The following MACROD2 variants were observed in gnomAD, a reference collection of about 807,000 sequenced individuals.
MACROD2 encodes the protein mono-ADP ribosylhydrolase 2, also known as ADP-ribose glycohydrolase MACROD2.
MACROD2 carries 36 observed loss-of-function variants against 70.4 expected under a neutral mutation model. That is an observed-to-expected ratio of 0.51 (90% CI 0.39 to 0.68). The LOEUF is 0.68. MACROD2 is among the 30% of genes least tolerant of loss of function. The pLI is 0.00. For synonymous variants in MACROD2, 172 were observed against 178.8 expected (o/e 0.96, Z 0.30); for missense variants, 496 against 538.4 (o/e 0.92, Z 0.78).
intron 4 of MACROD2, among the ~76,000 whole-genome samples, chr20:14,563,378 T>G (rs188528171): frequency 6.6e-6 from 1 of 151,922 alleles, no homozygotes; most frequent in Non-Finnish European, 1.5e-5. Context: ...TCTTCATTAT[T>G]TTAATAAGTA....
chr20:14,285,811 C>T (rs1006182101), intron 3 of MACROD2, among the ~76,000 whole-genome samples: 4 of 152,186 alleles, frequency 2.6e-5, no homozygotes, highest in South Asian at 4.1e-4. Flanking sequence ...CAGTCCCTCT[C>T]CCACAACTAC....
At chr20:14,840,615 T>C (rs1200635931) in intron 5 of MACROD2, among the ~76,000 whole-genome samples, 3 of 152,050 alleles carry the variant, frequency 2.0e-5, no homozygotes, top group Non-Finnish European at 4.4e-5. Context: ...CTATAATCAA[T>C]ACTCTTATCA....
chr20:15,848,520 G>A (rs1190354734), intron 8 of MACROD2, among the ~76,000 whole-genome samples: 1 of 152,158 alleles, frequency 6.6e-6, no homozygotes, highest in Admixed American at 6.5e-5. Flanking sequence ...GGCATTTTGG[G>A]CATCATCCCA....
chr20:15,270,694 T>C (rs1242052464), intron 6 of MACROD2, among the ~76,000 whole-genome samples: 1 of 152,196 alleles, frequency 6.6e-6, no homozygotes, highest in African/African-American at 2.4e-5. Flanking sequence ...GCCTCTGTCA[T>C]CAGTTCTGTC....
intron 5 of MACROD2, among the ~76,000 whole-genome samples, chr20:14,937,216 G>A (rs1020737888): frequency 6.6e-6 from 1 of 152,008 alleles, no homozygotes; most frequent in African/African-American, 2.4e-5. Context: ...CGTAGGCCGA[G>A]ATGGGAAGGT....
intron 12 of MACROD2, among the ~76,000 whole-genome samples, chr20:15,947,979 A>G (rs1172270971): frequency 6.6e-6 from 1 of 152,100 alleles, no homozygotes; most frequent in Non-Finnish European, 1.5e-5. Flanking sequence ...TCTCAACTGC[A>G]TGACCCCTAC....
intron 3 of MACROD2, among the ~76,000 whole-genome samples, chr20:14,371,057 A>C (rs1040020868): frequency 6.6e-6 from 1 of 151,498 alleles, no homozygotes; most frequent in African/African-American, 2.4e-5. Context: ...CAATACCAAA[A>C]CTCTTTTTTC....
intron 5 of MACROD2, among the ~76,000 whole-genome samples, chr20:15,063,813 A>T (rs1217525239): frequency 6.6e-6 from 1 of 152,200 alleles, no homozygotes; most frequent in Non-Finnish European, 1.5e-5. Flanking sequence ...TTATTCAGTT[A>T]TTCCCTAAGG....
At chr20:14,511,290 G>GT (rs2085027041) in intron 4 of MACROD2, among the ~76,000 whole-genome samples, 1 of 151,942 alleles carries the variant, frequency 6.6e-6, no homozygotes, top group African/African-American at 2.4e-5. Context: ...AGTTTGTAAT[G>GT]TAAAAGGGTA....
chr20:14,527,752 A>C (rs1053114249), intron 4 of MACROD2, among the ~76,000 whole-genome samples: 3 of 152,234 alleles, frequency 2.0e-5, no homozygotes, highest in Admixed American at 1.3e-4. Flanking sequence ...CCTGTTAGAC[A>C]CATGCCAGAA....
At chr20:14,340,387 A>G (rs2083000834) in intron 3 of MACROD2, among the ~76,000 whole-genome samples, 3 of 152,164 alleles carry the variant, frequency 2.0e-5, no homozygotes. Flanking sequence ...CAATAAGACG[A>G]TAGCTGTCAT....
chr20:14,986,182 T>C (rs957112159), intron 5 of MACROD2, among the ~76,000 whole-genome samples: 8 of 152,296 alleles, frequency 5.3e-5, no homozygotes, highest in African/African-American at 1.7e-4. Flanking sequence ...CCTGGTTGCT[T>C]GTTTAAATAA....
chr20:15,923,817 G>A (rs2065448946), intron 10 of MACROD2, among the ~76,000 whole-genome samples: 1 of 151,914 alleles, frequency 6.6e-6, no homozygotes, highest in Admixed American at 6.5e-5. Flanking sequence ...TTCTCTACTT[G>A]CAAATTAATT....
chr20:15,379,573 G>A (rs1015672619), intron 6 of MACROD2, among the ~76,000 whole-genome samples: 1 of 151,766 alleles, frequency 6.6e-6, no homozygotes, highest in Non-Finnish European at 1.5e-5. Flanking sequence ...TTCAAACCTG[G>A]GCATAACTCT....
At chr20:14,169,896 C>CT (rs35076445) in intron 3 of MACROD2, among the ~76,000 whole-genome samples, 1 of 151,766 alleles carries the variant, frequency 6.6e-6, no homozygotes, top group Non-Finnish European at 1.5e-5. Flanking sequence ...CCTCTGTTAA[C>CT]TTTTTTTATC....
rs986812630 is a variant in MACROD2, at chr20:14,350,660, C to T, written c.272-142819C>T. Among the ~76,000 whole-genome samples, 4 of 151,868 alleles carry T rather than the reference C, an allele frequency of 2.6e-5. No individual in the cohort carries two copies. The East Asian group carries it at 7.8e-4, about 30-fold the overall frequency. ...TCCTTGTATATTCTGGTTATTAATC[C>T]CTTGTCAGATGGGTAGTTTACAGAT... is the stretch of plus-strand genomic sequence containing the variant. On this transcript the variant is annotated intron_variant, in intron 3 of 17. Transcript: ENST00000684519.
chr20:15,569,621 A>C (rs1012171038), intron 8 of MACROD2, among the ~76,000 whole-genome samples: 1 of 152,178 alleles, frequency 6.6e-6, no homozygotes, highest in South Asian at 2.1e-4. Flanking sequence ...GGATCTGCAT[A>C]TAAGAAGTGA....
Position 14,443,035 on chromosome 20 carries a change from C to T in MACROD2, c.272-50444C>T, listed in dbSNP as rs960255946. Among the ~76,000 whole-genome samples the T allele has an allele frequency of 1.2e-4, 18 of 150,800 alleles. No individual in the cohort carries two copies. The East Asian group carries it at 1.8e-3, about 15-fold the overall frequency. Reference sequence around the variant, plus strand: ...CGGAGGTTGCAGTGAGCCGAGATCGCGCCACTGTACTCCAGCCTGGGCAAC... The same window carrying T: ...CGGAGGTTGCAGTGAGCCGAGATCGTGCCACTGTACTCCAGCCTGGGCAAC... On this transcript the variant is annotated intron_variant, in intron 3 of 17. Coordinates refer to ENST00000684519, the MANE Select transcript of MACROD2 (RefSeq NM_001351661.2).
At chr20:14,071,720 G>A (rs374828176) in intron 2 of MACROD2, among the ~76,000 whole-genome samples, 4 of 152,110 alleles carry the variant, frequency 2.6e-5, no homozygotes, top group African/African-American at 9.7e-5. Flanking sequence ...TATCTCTAAT[G>A]TGGCTTATTG....
Sources: allele counts gnomAD v4.1 joint callset (sites outside exome capture counted in the v4.1 genomes callset), GRCh38; gene constraint gnomAD v4.1.1; transcripts MANE v1.5; gene names NCBI Gene and HGNC (gene_info 2026-07-23, HGNC 2026-07-21).